The following RFX3 variants were observed in gnomAD, a reference collection of about 807,000 sequenced individuals.
RFX3 encodes the protein transcription factor RFX3.
A neutral mutation model predicts 98.6 loss-of-function variants in RFX3; 14 were observed. The ratio of observed to expected loss-of-function variants is 0.14; its 90% CI spans 0.09 to 0.22. The LOEUF is 0.22. Ranked by LOEUF, RFX3 falls within the 10% of genes least tolerant of loss-of-function variation. RFX3 has a pLI of 1.00. For missense variants in RFX3, 639 were observed against 926.9 expected (o/e 0.69, Z 4.03); for synonymous variants, 383 against 328.4 (o/e 1.17, Z -1.80).
chr9:3,284,962 C>A (rs1434199841), intron 7 of RFX3, among the ~76,000 whole-genome samples: 2 of 151,714 alleles, frequency 1.3e-5, no homozygotes, highest in Non-Finnish European at 3.0e-5. Flanking sequence ...TCCTCTACCA[C>A]CCCATCAAAC....
At chr9:3,339,260 A>C (rs776492011) in intron 3 of RFX3, among the ~76,000 whole-genome samples, 1 of 152,198 alleles carries the variant, frequency 6.6e-6, no homozygotes, top group African/African-American at 2.4e-5. Flanking sequence ...ATACATAGTC[A>C]GTACATATAT....
intron 1 of RFX3, chr9:3,420,956 G>A (rs1290363993): frequency 1.0e-6 from 1 of 970,856 alleles, no homozygotes; most frequent in East Asian, 1.2e-4. Flanking sequence ...GGCTACAACA[G>A]AAACTAGCCT....
intron 3 of RFX3, among the ~76,000 whole-genome samples, chr9:3,331,132 C>T (rs775566011): frequency 1.3e-5 from 2 of 152,188 alleles, no homozygotes; most frequent in Admixed American, 6.5e-5. Flanking sequence ...TTCATGTCCT[C>T]ACTTTCCACT....
Position 3,401,053 on chromosome 9 carries a change from G to A in RFX3, c.-8-5457C>T, listed in dbSNP as rs117038280. Among the ~76,000 whole-genome samples, 53 of 152,218 alleles carry A rather than the reference G, an allele frequency of 3.5e-4. No individual in the cohort carries two copies. In the East Asian group the frequency reaches 6.9e-3, roughly 20 times the overall value. On this transcript the variant is annotated intron_variant, in intron 1 of 16. Transcript: ENST00000617270. The stretch of plus-strand genomic sequence containing the variant: ...ACAGCAATCTTTGGGGTTCTCAATC[G>A]ATATTACATGATTTACACTTCCAAC...
intron 1 of RFX3, among the ~76,000 whole-genome samples, chr9:3,455,705 C>A (rs933451352): frequency 1.3e-5 from 2 of 152,160 alleles, no homozygotes; most frequent in Non-Finnish European, 2.9e-5. Context: ...CTAATAATTT[C>A]TCTACACTAC....
chr9:3,249,919 A>G (rs1440998013), intron 14 of RFX3, among the ~76,000 whole-genome samples: 1 of 152,040 alleles, frequency 6.6e-6, no homozygotes, highest in Non-Finnish European at 1.5e-5. Context: ...ACTTTAACGA[A>G]TTCCTTAAGT....
chr9:3,366,415 TTAGAG>T (rs1837079170), intron 2 of RFX3, among the ~76,000 whole-genome samples: 1 of 152,204 alleles, frequency 6.6e-6, no homozygotes, highest in South Asian at 2.1e-4. Flanking sequence ...TACTTTGGTT[TTAGAG>T]TACTCCATAG....
intron 1 of RFX3, among the ~76,000 whole-genome samples, chr9:3,405,057 A>C (rs1341403767): frequency 6.6e-6 from 1 of 152,166 alleles, no homozygotes; most frequent in African/African-American, 2.4e-5. Flanking sequence ...TGTACTATCA[A>C]ATTACACTTG....
At chr9:3,412,283 C>T (rs765721724) in intron 1 of RFX3, among the ~76,000 whole-genome samples, 57 of 152,172 alleles carry the variant, frequency 3.7e-4, no homozygotes, top group Admixed American at 6.5e-4. Context: ...GACAGGCCAT[C>T]AAGGTGACCT....
intron 1 of RFX3, among the ~76,000 whole-genome samples, chr9:3,425,230 C>G (rs186723737): frequency 1.3e-5 from 2 of 152,246 alleles, no homozygotes; most frequent in East Asian, 3.9e-4. Flanking sequence ...ACAATGAGAC[C>G]GTGTCTCAGA....
rs1486508983 is a variant in RFX3 at position 3,254,488 on chromosome 9, A to G, written c.1814+2503T>C. Among the ~76,000 whole-genome samples the G allele has an allele frequency of 7.9e-5, 12 of 152,260 alleles. 2 individuals carry two copies. The highest frequency in any genetic ancestry group is 2.9e-4 in the African/African-American group (12 of 41,558). On this transcript the variant is annotated intron_variant, in intron 14 of 16. Transcript: ENST00000617270. ...TACCACTTACGTTGTTATCTGGGAA[A>G]AAACTTGATGAATAAAAAGAAACTG...
chr9:3,338,149 C>T (rs1833411216), intron 3 of RFX3, among the ~76,000 whole-genome samples: 1 of 152,144 alleles, frequency 6.6e-6, no homozygotes, highest in Admixed American at 6.5e-5. Context: ...TATTAAACCT[C>T]CCCTTACTAC....
chr9:3,324,516 A>C (rs1831671235), intron 4 of RFX3, among the ~76,000 whole-genome samples: 2 of 151,972 alleles, frequency 1.3e-5, no homozygotes, highest in African/African-American at 4.8e-5. Context: ...GCTAATATGA[A>C]ACAAAAAGTC....
intron 4 of RFX3, among the ~76,000 whole-genome samples, chr9:3,317,351 C>G (rs941084971): frequency 6.6e-6 from 1 of 152,148 alleles, no homozygotes; most frequent in Non-Finnish European, 1.5e-5. Flanking sequence ...TTCCTTACAC[C>G]TTATGCAAAA....
Position 3,303,631 on chromosome 9 carries a change from G to A in RFX3, c.475-2011C>T, listed in dbSNP as rs533273958. ...AAGCACTTTTCAGTTGGATAAACCA[G>A]CACTTCTTTTTCTGGGAAAAAAAAA... On this transcript the variant is annotated intron_variant, in intron 4 of 16. Transcript: ENST00000617270. Among the ~76,000 whole-genome samples, 245 of 150,448 alleles carry A rather than the reference G, an allele frequency of 1.6e-3. 1 individual carries two copies. The highest frequency in any genetic ancestry group is 5.9e-3 in the African/African-American group (241 of 41,078).
intron 1 of RFX3, among the ~76,000 whole-genome samples, chr9:3,491,900 G>A (rs1850749018): frequency 6.6e-6 from 1 of 152,060 alleles, no homozygotes; most frequent in Non-Finnish European, 1.5e-5. Context: ...ATATAATACA[G>A]TCTCCCCATA....
At chr9:3,407,917 G>C (rs1260734856) in intron 1 of RFX3, among the ~76,000 whole-genome samples, 1 of 152,138 alleles carries the variant, frequency 6.6e-6, no homozygotes, top group Non-Finnish European at 1.5e-5. Context: ...GTTGGAATTT[G>C]AATTAGGGCT....
intron 1 of RFX3, among the ~76,000 whole-genome samples, chr9:3,450,982 A>G (rs1384932626): frequency 6.6e-6 from 1 of 152,218 alleles, no homozygotes; most frequent in Non-Finnish European, 1.5e-5. Flanking sequence ...TTTTCCAATA[A>G]AAAGAATCGG....
chr9:3,312,048 A>G (rs914271637), intron 4 of RFX3, among the ~76,000 whole-genome samples: 1 of 152,260 alleles, frequency 6.6e-6, no homozygotes, highest in Non-Finnish European at 1.5e-5. Flanking sequence ...GGGTTACAGA[A>G]TTAATAATGT....
Sources: allele counts gnomAD v4.1 joint callset (sites outside exome capture counted in the v4.1 genomes callset), GRCh38; gene constraint gnomAD v4.1.1; transcripts MANE v1.5; gene names NCBI Gene and HGNC (gene_info 2026-07-23, HGNC 2026-07-21).